SLC4A4: variants seen among roughly 807,000 people sequenced by gnomAD.
SLC4A4 encodes solute carrier family 4 member 4, also known as electrogenic sodium bicarbonate cotransporter 1.
SLC4A4 carries 27 observed loss-of-function variants against 111.5 expected under a neutral mutation model. The observed-to-expected ratio is 0.24, with a 90% CI of 0.18 to 0.33. SLC4A4 has a LOEUF of 0.33. SLC4A4 is among the 10% of genes least tolerant of loss of function. The pLI is 1.00. For missense variants in SLC4A4, 909 were observed against 1,315.5 expected (o/e 0.69, Z 4.78); for synonymous variants, 443 against 463.4 (o/e 0.96, Z 0.57).
rs542534039 is a variant in SLC4A4 at position 71,084,738 on chromosome 4, CT to C, written c.-64-7985del. 9.9e-4 allele frequency among the ~76,000 whole-genome samples: 151 copies of C among 152,110 alleles called. No homozygotes were observed. The East Asian group carries it at 0.019, about 19-fold the overall frequency. ...GTCCCTACAAAGGACACGAACTCAC[CT>C]TTTTTTATGGCTGCGTAGTATTCCA... On this transcript the variant is annotated intron_variant, in intron 1 of 26. Transcript: ENST00000649996.
chr4:71,172,641 T>C (rs568819101), intron 2 of SLC4A4, among the ~76,000 whole-genome samples: 43 of 152,384 alleles, frequency 2.8e-4, no homozygotes, highest in African/African-American at 9.9e-4. Context: ...AAAAGAGATA[T>C]GTTGGCCTTT....
intron 16 of SLC4A4, among the ~76,000 whole-genome samples, chr4:71,527,847 G>A (rs1442803705): frequency 6.6e-6 from 1 of 151,956 alleles, no homozygotes; most frequent in Non-Finnish European, 1.5e-5. Flanking sequence ...TAAATTTTTT[G>A]TTCTTTAGCA....
Position 71,322,008 on chromosome 4 carries a change from A to T in SLC4A4, c.254-17362A>T, listed in dbSNP as rs1307874960. On this transcript the variant is annotated intron_variant, in intron 3 of 25. Coordinates refer to ENST00000264485, the MANE Select transcript of SLC4A4 (RefSeq NM_001098484.3). Reference sequence around the variant, plus strand: ...TGAGGATCACTGCCACTAATTTTGGACCCTCAACTCAGAACAGATCTAAAT... The same window carrying T: ...TGAGGATCACTGCCACTAATTTTGGTCCCTCAACTCAGAACAGATCTAAAT... Among the ~76,000 whole-genome samples the T allele has an allele frequency of 2.6e-5, 4 of 152,000 alleles. No individual in the cohort carries two copies. In the South Asian group the frequency reaches 6.2e-4, roughly 24 times the overall value.
intron 3 of SLC4A4, among the ~76,000 whole-genome samples, chr4:71,276,229 C>A (rs769456073): frequency 1.3e-5 from 2 of 152,188 alleles, no homozygotes; most frequent in Non-Finnish European, 2.9e-5. Context: ...TCCTTCAGTC[C>A]ATTTCCCCAA....
intron 3 of SLC4A4, among the ~76,000 whole-genome samples, chr4:71,335,960 G>A (rs1457793007): frequency 1.3e-5 from 2 of 151,876 alleles, no homozygotes; most frequent in Non-Finnish European, 2.9e-5. Context: ...TGGTTTATGT[G>A]CTAATTTACT....
chr4:71,171,645 G>A (rs1164253102), intron 2 of SLC4A4, among the ~76,000 whole-genome samples: 1 of 152,166 alleles, frequency 6.6e-6, no homozygotes, highest in African/African-American at 2.4e-5. Flanking sequence ...TGCTTTGACT[G>A]GTGGTCCATG....
In SLC4A4 at chr4:71,244,313, G is replaced by A. The variant is rs566112132; in HGVS notation, c.73+7664G>A. Among the ~76,000 whole-genome samples, 196 of 152,260 alleles carry A rather than the reference G, an allele frequency of 1.3e-3. 1 individual carries two copies. The highest frequency in any genetic ancestry group is 4.6e-3 in the African/African-American group (190 of 41,542). On this transcript the variant is annotated intron_variant, in intron 2 of 25. Coordinates refer to ENST00000264485, the MANE Select transcript of SLC4A4 (RefSeq NM_001098484.3). ...GCCACTGCCTTTCTGCATAATACAA[G>A]GCAAATCATTGTCATGTGGTTATGG...
chr4:71,416,669 A>T (rs1449039029), intron 7 of SLC4A4, among the ~76,000 whole-genome samples: 1 of 152,054 alleles, frequency 6.6e-6, no homozygotes, highest in Non-Finnish European at 1.5e-5. Context: ...CTGGCCAGAG[A>T]TGATTGATTT....
At chr4:71,376,368 A>AT (rs977012006) in intron 6 of SLC4A4, among the ~76,000 whole-genome samples, 2 of 150,068 alleles carry the variant, frequency 1.3e-5, no homozygotes, top group Admixed American at 1.3e-4. Context: ...TGCCTGGCTA[A>AT]TTTTTTTGTT....
chr4:71,515,514 G>A (rs889781738), intron 16 of SLC4A4, among the ~76,000 whole-genome samples: 6 of 152,042 alleles, frequency 3.9e-5, no homozygotes, highest in South Asian at 4.1e-4. Context: ...AGTTTAAATC[G>A]GTGTTTCTTT....
chr4:71,501,885 G>A (rs575064123), intron 16 of SLC4A4, among the ~76,000 whole-genome samples: 30 of 152,060 alleles, frequency 2.0e-4, no homozygotes, highest in Non-Finnish European at 3.8e-4. Context: ...AGATGGTCTC[G>A]ATCTCCTGAC....
chr4:71,114,245 C>G (rs1743183805), intron 2 of SLC4A4, among the ~76,000 whole-genome samples: 1 of 152,004 alleles, frequency 6.6e-6, no homozygotes. Context: ...GACTCGCTCT[C>G]AAAAAACAAA....
chr4:71,318,976 C>A (rs752301777), intron 3 of SLC4A4, among the ~76,000 whole-genome samples: 1 of 151,854 alleles, frequency 6.6e-6, no homozygotes, highest in Non-Finnish European at 1.5e-5. Flanking sequence ...CTATAACAAT[C>A]TTAATATGTG....
At chr4:71,105,459 G>A (rs559005599) in intron 2 of SLC4A4, among the ~76,000 whole-genome samples, 16 of 151,664 alleles carry the variant, frequency 1.1e-4, no homozygotes, top group South Asian at 2.1e-4. Flanking sequence ...AGCCCGCATC[G>A]CCAAGGCACT....
chr4:71,271,041 GGT>G (rs924361337), intron 3 of SLC4A4, among the ~76,000 whole-genome samples: 2 of 152,002 alleles, frequency 1.3e-5, no homozygotes, highest in Non-Finnish European at 2.9e-5. Context: ...GGCTGCTGTG[GGT>G]GCCCACCACT....
chr4:71,248,215 G>A (rs1720816789), intron 2 of SLC4A4, among the ~76,000 whole-genome samples: 1 of 152,100 alleles, frequency 6.6e-6, no homozygotes, highest in East Asian at 1.9e-4. Flanking sequence ...AGGGCTGGAG[G>A]TGGGTGGGAA....
intron 2 of SLC4A4, among the ~76,000 whole-genome samples, chr4:71,112,009 A>G (rs969174831): frequency 2.0e-5 from 3 of 152,166 alleles, no homozygotes; most frequent in Admixed American, 2.0e-4. Flanking sequence ...AAATTTCTTA[A>G]TATTCACAGA....
intron 6 of SLC4A4, among the ~76,000 whole-genome samples, chr4:71,392,513 C>G (rs1719393193): frequency 6.6e-6 from 1 of 152,048 alleles, no homozygotes; most frequent in Non-Finnish European, 1.5e-5. Context: ...TCAGAATCCC[C>G]TGGAGGGCTT....
At chr4:71,428,509 C>A (rs897209320) in intron 7 of SLC4A4, among the ~76,000 whole-genome samples, 5 of 151,988 alleles carry the variant, frequency 3.3e-5, no homozygotes, top group African/African-American at 9.7e-5. Context: ...GATACAGATA[C>A]CTTCTGCAAT....
Sources: gnomAD v4.1 joint callset for allele counts (sites outside exome capture counted in the v4.1 genomes callset) on GRCh38, gnomAD v4.1.1 for gene constraint, MANE v1.5 for transcripts, NCBI Gene and HGNC (gene_info 2026-07-23, HGNC 2026-07-21) for gene names.